Variants in RTN4RL1 observed in about 807,000 individuals in gnomAD.
The protein encoded by RTN4RL1 is reticulon-4 receptor-like 1.
Under a neutral mutation model 25.6 loss-of-function variants are expected in RTN4RL1, and 7 were observed. That is an observed-to-expected ratio of 0.27 (90% CI 0.16 to 0.51). The LOEUF (loss-of-function observed/expected upper bound fraction) is 0.51. Among genes scored for constraint, RTN4RL1 ranks in the 20% least tolerant of loss-of-function variants. The pLI, the probability that RTN4RL1 is intolerant of heterozygous loss-of-function variation, is 0.97. For synonymous variants in RTN4RL1, 297 were observed against 288.2 expected, an observed-to-expected ratio of 1.03 and a Z score of -0.31; for missense variants, 500 against 615.6, an observed-to-expected ratio of 0.81 and a Z score of 1.99.
rs1056445065 is a variant in RTN4RL1, at chr17:1,998,446, C to G, written c.13+26407G>C. On this transcript the variant is annotated intron_variant, in intron 1 of 1. Coordinates refer to ENST00000331238, the MANE Select transcript of RTN4RL1 (RefSeq NM_178568.4). This position sits in a 1 kb window ranked among gnomAD's most constrained non-coding sequence, Gnocchi z 4.9. ...GTTCCCTCTCGCGGGAGCCGCCGGC[C>G]GGGGATCTGCGCACCCCACGCGCCC... Among the ~76,000 whole-genome samples the G allele has an allele frequency of 6.6e-6, 1 of 151,980 alleles. No individual in the cohort carries two copies. The highest frequency in any genetic ancestry group is 1.5e-5 in the Non-Finnish European group (1 of 67,950).
chr17:1,990,304 T>C (rs1005372282), intron 1 of RTN4RL1, among the ~76,000 whole-genome samples: 3 of 151,296 alleles, frequency 2.0e-5, no homozygotes, highest in African/African-American at 4.9e-5. Context: ...GAGGTGGAGG[T>C]TGCAGTGAGC....
chr17:1,937,805 C>T lies in RTN4RL1; in HGVS notation c.17G>A (p.Cys6Tyr). The change falls in exon 2 of 2, where the codon TGC becomes TAC. Residue 6 changes from cysteine (C) to tyrosine (Y), a missense_variant. By Grantham distance (194) the Cys-to-Tyr change is radical. Around this residue, in one of 2 missense-constraint regions of RTN4RL1, gnomAD observed 232 missense variants for 341.1 expected, o/e 0.68. Coordinates refer to ENST00000331238, the MANE Select transcript of RTN4RL1 (RefSeq NM_178568.4). ...CAACAGCAGCAGCAACTCCACACAG[C>T]ACCCTGGCAGGGAGAGAGAGCACAG... MLRKG[C>Y]CVELLLLLVA... The T allele has an allele frequency of 1.3e-6, 2 of 1,582,524 alleles. No individual in the cohort carries two copies. The highest frequency in any genetic ancestry group is 1.7e-6 in the Non-Finnish European group (2 of 1,167,404).
At chr17:2,002,695 G>C (rs893518075) in intron 1 of RTN4RL1, among the ~76,000 whole-genome samples, 1 of 150,680 alleles carries the variant, frequency 6.6e-6, no homozygotes, top group South Asian at 2.1e-4. Flanking sequence ...TCCTCCCCAC[G>C]CCCGTCTCTC....
chr17:2,023,094 G>A lies in RTN4RL1; in HGVS notation c.13+1759C>T, dbSNP rs199985486. On this transcript the variant is annotated intron_variant, in intron 1 of 1. Transcript: ENST00000331238. ...AACTATAAACTGCCAAAAGACAAAAGACCAAAAGGGAAATGAGATGTCAGT... is the reference window on the plus strand; with the variant it reads ...AACTATAAACTGCCAAAAGACAAAAAACCAAAAGGGAAATGAGATGTCAGT... Among the ~76,000 whole-genome samples, 371 of 152,290 alleles carry A rather than the reference G, an allele frequency of 2.4e-3. 1 individual carries two copies. Among genetic ancestry groups the A allele is most frequent in the Non-Finnish European group, 4.2e-3 (283 of 68,026 alleles).
chr17:2,015,286 G>A (rs1429369836), intron 1 of RTN4RL1, among the ~76,000 whole-genome samples: 1 of 152,180 alleles, frequency 6.6e-6, no homozygotes, highest in Non-Finnish European at 1.5e-5. Flanking sequence ...GGGAAATTGC[G>A]GAAGAGGCAA....
At chr17:1,945,921 G>A (rs764889331) in intron 1 of RTN4RL1, among the ~76,000 whole-genome samples, 8 of 152,190 alleles carry the variant, frequency 5.3e-5, no homozygotes, top group Non-Finnish European at 7.4e-5. Flanking sequence ...CTAGGCCCAG[G>A]GCCTGGCTCC....
rs1359454226 is a variant in RTN4RL1 at position 1,998,229 on chromosome 17, G to C, written c.13+26624C>G. 1.3e-5 allele frequency among the ~76,000 whole-genome samples: 2 copies of C among 152,112 alleles called. No individual in the cohort carries two copies. The highest frequency in any genetic ancestry group is 4.8e-5 in the African/African-American group (2 of 41,440). On this transcript the variant is annotated intron_variant, in intron 1 of 1. Coordinates refer to ENST00000331238, the MANE Select transcript of RTN4RL1 (RefSeq NM_178568.4). The surrounding 1 kb of genome is among the most constrained non-coding windows in gnomAD (Gnocchi z 4.9). ...TGGGGGAGGGGCGGGGAGGGCTGTC[G>C]CATTGATCCGGAGCTGCAGGGCGAG...
At chr17:1,990,997 T>C (rs941347427) in intron 1 of RTN4RL1, among the ~76,000 whole-genome samples, 1 of 152,112 alleles carries the variant, frequency 6.6e-6, no homozygotes, top group African/African-American at 2.4e-5. Flanking sequence ...AACGAGTCCC[T>C]CTCTAGGCGC....
intron 1 of RTN4RL1, among the ~76,000 whole-genome samples, chr17:1,984,958 A>T (rs1443428052): frequency 5.3e-5 from 8 of 150,646 alleles, no homozygotes; most frequent in Non-Finnish European, 7.4e-5. Flanking sequence ...CAAGAGCGAA[A>T]CTCCATCTCA....
rs541769904 is a variant in RTN4RL1 at position 1,976,849 on chromosome 17, G to A, written c.14-39041C>T. On this transcript the variant is annotated intron_variant, in intron 1 of 1. Transcript: ENST00000331238. Reference sequence around the variant, plus strand: ...TCAACTTGTCATTTAGTGGCTATTTGCTCTTGGCCAAAGCCCTTAGCTTCT... The same window carrying A: ...TCAACTTGTCATTTAGTGGCTATTTACTCTTGGCCAAAGCCCTTAGCTTCT... Among the ~76,000 whole-genome samples, 5 of 152,304 alleles carry A rather than the reference G, an allele frequency of 3.3e-5. No individual in the cohort carries two copies. In the South Asian group the frequency reaches 1.0e-3, roughly 32 times the overall value.
At chr17:1,955,765 G>A (rs1254134187) in intron 1 of RTN4RL1, among the ~76,000 whole-genome samples, 1 of 151,560 alleles carries the variant, frequency 6.6e-6, no homozygotes, top group Admixed American at 6.6e-5. Flanking sequence ...TGTATTTTTA[G>A]TAGAGACAGG....
intron 1 of RTN4RL1, among the ~76,000 whole-genome samples, chr17:1,988,417 A>AAAAG (rs2066895887): frequency 6.7e-6 from 1 of 148,456 alleles, no homozygotes; most frequent in African/African-American, 2.5e-5. Context: ...AAAAAAAAAA[A>AAAAG]AAAAGAAAAG....
At chr17:1,983,793 C>T (rs1302788502) in intron 1 of RTN4RL1, among the ~76,000 whole-genome samples, 1 of 152,192 alleles carries the variant, frequency 6.6e-6, no homozygotes, top group African/African-American at 2.4e-5. Flanking sequence ...CCTCCCACCT[C>T]AGCCTCCCAA....
intron 1 of RTN4RL1, chr17:2,001,471 T>C (rs6503158): frequency 0.7 from 106,082 of 151,784 alleles, 37,422 homozygotes; most frequent in African/African-American, 0.76. Context: ...TGGTCTCGAT[T>C]TCCTGACCTC....
intron 1 of RTN4RL1, among the ~76,000 whole-genome samples, chr17:2,013,654 T>G (rs1410428537): frequency 1.3e-4 from 13 of 103,488 alleles, no homozygotes; most frequent in Non-Finnish European, 2.2e-4. Flanking sequence ...ACCCCAGCTC[T>G]CTCACCCTGG....
At chr17:1,944,853 T>G (rs1394127700) in intron 1 of RTN4RL1, among the ~76,000 whole-genome samples, 6 of 152,166 alleles carry the variant, frequency 3.9e-5, no homozygotes, top group Non-Finnish European at 8.8e-5. Context: ...AATAGGCTCC[T>G]AAGTGGTCCC....
At chr17:2,020,653 A>G (rs1352214032) in intron 1 of RTN4RL1, 2 of 152,186 alleles carry the variant, frequency 1.3e-5, no homozygotes, top group Non-Finnish European at 2.9e-5. Flanking sequence ...CTTATAAATG[A>G]GTGTGTTTGA....
At chr17:1,976,455 A>G (rs1422457714) in intron 1 of RTN4RL1, among the ~76,000 whole-genome samples, 1 of 152,234 alleles carries the variant, frequency 6.6e-6, no homozygotes, top group African/African-American at 2.4e-5. Flanking sequence ...CATGAGGTTG[A>G]GGGAGTTACA....
intron 1 of RTN4RL1, among the ~76,000 whole-genome samples, chr17:1,993,153 CAGG>C (rs1223102803): frequency 1.3e-5 from 2 of 152,256 alleles, no homozygotes; most frequent in East Asian, 3.9e-4. Flanking sequence ...GAGGCTGAGG[CAGG>C]AGAATCGCTT....
Sources: gnomAD v4.1 joint callset for allele counts (sites outside exome capture counted in the v4.1 genomes callset) on GRCh38, gnomAD v4.1.1 for gene constraint, gnomAD v4.1.1 regional missense constraint, Gnocchi (gnomAD v3.1) non-coding constraint, MANE v1.5 for transcripts, NCBI Gene and HGNC (gene_info 2026-07-23, HGNC 2026-07-21) for gene names.